Variants in MYO6 observed in about 807,000 individuals in gnomAD.
MYO6 encodes the protein myosin VI.
A neutral mutation model predicts 178.7 loss-of-function variants in MYO6; 74 were observed. That is an observed-to-expected ratio of 0.41 (90% CI 0.34 to 0.50). The LOEUF is 0.50. MYO6 is among the 20% of genes least tolerant of loss of function. The pLI is 0.09. For synonymous variants in MYO6, 477 were observed against 504.6 expected (o/e 0.95, Z 0.73); for missense variants, 1,330 against 1,547.4 (o/e 0.86, Z 2.36).
At position 75,841,360 on chromosome 6, in the gene MYO6, T is replaced by G. The variant is rs1398124041; in HGVS notation, c.798T>G (p.Ser266Arg). The G allele has an allele frequency of 6.2e-7, 1 of 1,613,734 alleles. No homozygotes were observed. Among genetic ancestry groups the G allele is most frequent in the Non-Finnish European group, 8.5e-7 (1 of 1,179,958 alleles). The change falls in exon 9 of 35, where the codon AGT becomes AGG. Residue 266 changes from serine (S) to arginine (R), a missense_variant. Physicochemically the swap from Ser to Arg is moderately radical, Grantham distance 110. Coordinates refer to ENST00000369977, the MANE Select transcript of MYO6 (RefSeq NM_004999.4). ...SEDIREKLHL[S>R]SPDNFRYLNR... The stretch of plus-strand genomic sequence containing the variant: ...ATATTAGAGAAAAACTTCATTTGAG[T>G]TCACCAGATAATTTTCGGGTAGGTC...
rs752653563 is a variant in MYO6, at chr6:75,822,890, A to C, written c.187+39A>C. 20 of 1,481,460 alleles carry C rather than the reference A, an allele frequency of 1.4e-5. No individual in the cohort carries two copies. The South Asian group carries it at 2.0e-4, about 15-fold the overall frequency. 91.8% of individuals were successfully genotyped at this position (1,481,460 alleles called of 1,614,324 possible). A position where few individuals can be genotyped will look rare whatever the true frequency, so the allele number is the denominator to read the frequency against. ...TAAAAATTAACTCTCCGCACAGAAA[A>C]GGAGACTGTTCTTTTAAAAAAATAA... On this transcript the variant is annotated intron_variant, in intron 3 of 34. Transcript: ENST00000369977.
At chr6:75,893,618 T>C (rs1779075523) in intron 28 of MYO6, among the ~76,000 whole-genome samples, 1 of 152,208 alleles carries the variant, frequency 6.6e-6, no homozygotes, top group Non-Finnish European at 1.5e-5. Context: ...CTTCATGCTT[T>C]TTCTATTAGG....
intron 1 of MYO6, among the ~76,000 whole-genome samples, chr6:75,790,939 A>G (rs2150084968): frequency 6.6e-6 from 1 of 152,060 alleles, no homozygotes; most frequent in Non-Finnish European, 1.5e-5. Flanking sequence ...AGCTGTATAT[A>G]GAGATATTTT....
intron 10 of MYO6, among the ~76,000 whole-genome samples, chr6:75,847,059 T>C (rs1774794575): frequency 6.6e-6 from 1 of 152,190 alleles, no homozygotes; most frequent in African/African-American, 2.4e-5. Flanking sequence ...AAAAATGCAG[T>C]ATTTTTAGTC....
chr6:75,882,430 T>TAC (rs1778115212), intron 23 of MYO6, among the ~76,000 whole-genome samples: 2 of 152,176 alleles, frequency 1.3e-5, no homozygotes, highest in Non-Finnish European at 2.9e-5. Context: ...TTTGATGTCT[T>TAC]TCAAGATCAT....
At chr6:75,775,941 G>A (rs1443474566) in intron 1 of MYO6, among the ~76,000 whole-genome samples, 1 of 152,148 alleles carries the variant, frequency 6.6e-6, no homozygotes, top group Non-Finnish European at 1.5e-5. Context: ...TTCATGGAAT[G>A]TGTAGCGTAT....
intron 25 of MYO6, among the ~76,000 whole-genome samples, chr6:75,888,728 C>G (rs1230046647): frequency 6.6e-6 from 1 of 151,932 alleles, no homozygotes; most frequent in Non-Finnish European, 1.5e-5. Context: ...ACCTTACATT[C>G]TCTTTTATGC....
At chr6:75,896,296 T>C (rs1365521598) in intron 29 of MYO6, among the ~76,000 whole-genome samples, 1 of 152,236 alleles carries the variant, frequency 6.6e-6, no homozygotes, top group East Asian at 1.9e-4. Flanking sequence ...TAGTCATTTA[T>C]AATAAAATGT....
intron 14 of MYO6, among the ~76,000 whole-genome samples, chr6:75,860,191 T>C (rs1776086486): frequency 6.6e-6 from 1 of 152,254 alleles, no homozygotes; most frequent in African/African-American, 2.4e-5. Flanking sequence ...TTTCTATCTT[T>C]TCCCACATTT....
At chr6:75,793,361 T>A (rs1768438761) in intron 1 of MYO6, among the ~76,000 whole-genome samples, 1 of 152,100 alleles carries the variant, frequency 6.6e-6, no homozygotes, top group South Asian at 2.1e-4. Context: ...TCCCAGCACT[T>A]TAGGAGGCCA....
intron 1 of MYO6, among the ~76,000 whole-genome samples, chr6:75,756,967 A>AC (rs1193871907): frequency 1.1e-3 from 30 of 26,766 alleles, no homozygotes; most frequent in East Asian, 2.1e-3. Flanking sequence ...ATGTATACAC[A>AC]CATATATAGT....
chr6:75,803,365 A>G lies in MYO6; in HGVS notation c.-47-14136A>G, dbSNP rs3798450. Among the ~76,000 whole-genome samples, 1,997 of 152,162 alleles carry G rather than the reference A, an allele frequency of 0.013. 76 individuals carry two copies. The East Asian group carries it at 0.15, about 11-fold the overall frequency. ...TGTTCACTGTTTTAAGAATCAAGTG[A>G]TAGCAGACTTAGCTTTAAGCATTGA... On this transcript the variant is annotated intron_variant, in intron 1 of 34. Coordinates refer to ENST00000369977, the MANE Select transcript of MYO6 (RefSeq NM_004999.4).
intron 9 of MYO6, among the ~76,000 whole-genome samples, chr6:75,842,172 A>G (rs2150255517): frequency 6.6e-6 from 1 of 151,660 alleles, no homozygotes; most frequent in East Asian, 1.9e-4. Flanking sequence ...ATCAACTTAG[A>G]TGTGGTGGGA....
chr6:75,905,402 C>T (rs944300892), intron 30 of MYO6, among the ~76,000 whole-genome samples: 6 of 152,120 alleles, frequency 3.9e-5, no homozygotes, highest in Non-Finnish European at 5.9e-5. Context: ...GAGCCATGTG[C>T]GGGATATAAT....
chr6:75,792,243 AT>A (rs761362527), intron 1 of MYO6, among the ~76,000 whole-genome samples: 3 of 152,216 alleles, frequency 2.0e-5, no homozygotes, highest in Non-Finnish European at 4.4e-5. Flanking sequence ...TTAGATTAAG[AT>A]GGATTTCATG....
At chr6:75,755,868 T>C (rs1454887815) in intron 1 of MYO6, among the ~76,000 whole-genome samples, 1 of 152,220 alleles carries the variant, frequency 6.6e-6, no homozygotes, top group East Asian at 1.9e-4. Flanking sequence ...TTATAGACTC[T>C]TCATACTAGG....
chr6:75,821,012 G>GA (rs1309291711), intron 2 of MYO6, among the ~76,000 whole-genome samples: 1 of 152,080 alleles, frequency 6.6e-6, no homozygotes, highest in African/African-American at 2.4e-5. Flanking sequence ...GTTTTTAGCA[G>GA]AAAAAAGCCT....
intron 25 of MYO6, 118 bp from the exon 26 acceptor site, chr6:75,889,939 C>T: frequency 1.4e-6 from 1 of 693,530 alleles, no homozygotes; most frequent in Admixed American, 2.8e-5. Flanking sequence ...ACAATAAAAA[C>T]ATTAAAATTT....
At chr6:75,808,830 G>A (rs2150139732) in intron 1 of MYO6, among the ~76,000 whole-genome samples, 1 of 152,302 alleles carries the variant, frequency 6.6e-6, no homozygotes, top group South Asian at 2.1e-4. Context: ...TCTGTAAGAT[G>A]TACATTAGTT....
Sources: gnomAD v4.1 joint callset for allele counts (sites outside exome capture counted in the v4.1 genomes callset) on GRCh38, gnomAD v4.1.1 for gene constraint, MANE v1.5 for transcripts, NCBI Gene and HGNC (gene_info 2026-07-23, HGNC 2026-07-21) for gene names.